ASB7: variants seen among roughly 807,000 people sequenced by gnomAD.
ASB7 encodes ankyrin repeat and SOCS box protein 7.
In ASB7, 4 loss-of-function variants were observed where a neutral mutation model predicts 32.5. The observed-to-expected ratio is 0.12, with a 90% CI of 0.06 to 0.28. The LOEUF is 0.28. Ranked by LOEUF, ASB7 falls within the 10% of genes least tolerant of loss-of-function variation. The pLI is 1.00. For synonymous variants in ASB7, 172 were observed against 155.6 expected (o/e 1.11, Z -0.78); for missense variants, 181 against 407.1 (o/e 0.44, Z 4.78).
intron 4 of ASB7, among the ~76,000 whole-genome samples, chr15:100,619,243 G>C (rs1435487541): frequency 6.6e-6 from 1 of 152,196 alleles, no homozygotes; most frequent in African/African-American, 2.4e-5. Flanking sequence ...TGCGTGTGAC[G>C]GGTTGAAGGA....
chr15:100,644,035 G>A (rs911024754), intron 5 of ASB7, among the ~76,000 whole-genome samples: 1 of 151,774 alleles, frequency 6.6e-6, no homozygotes, highest in Non-Finnish European at 1.5e-5. Flanking sequence ...ATCACCTGAG[G>A]CCAGGAGTTT....
rs753274562 is a variant in ASB7 at position 100,629,666 on chromosome 15, T to C, written c.441T>C (p.Ser147=). 5.0e-6 allele frequency: 8 copies of C among 1,614,186 alleles called. No individual in the cohort carries two copies. In the South Asian group the frequency reaches 6.6e-5, roughly 13 times the overall value. ...TCAAGGCTGAGGTTGACCCACTCAG[T>C]GATAAAGGTACCACACCGCTTCAGC... ...LEFKAEVDPL[S]DKGTTPLQLA... is the part of the protein sequence containing the mutation. The change falls in exon 5 of 6, where the codon AGT becomes AGC. Residue 147 remains serine, a synonymous_variant. Coordinates refer to ENST00000332783, the MANE Select transcript of ASB7 (RefSeq NM_198243.3). This position sits in a 1 kb window ranked among gnomAD's most constrained non-coding sequence, Gnocchi z 6.8.
intron 2 of ASB7, among the ~76,000 whole-genome samples, chr15:100,609,063 GAAGA>G (rs1223821787): frequency 2.0e-5 from 3 of 152,194 alleles, no homozygotes; most frequent in African/African-American, 4.8e-5. Flanking sequence ...TAATTGACAC[GAAGA>G]AAGATCCCTT....
At position 100,629,640 on chromosome 15, in the gene ASB7, T is replaced by G. The variant is rs1265390401; in HGVS notation, c.415T>G (p.Phe139Val). The change falls in exon 5 of 6, where the codon TTC becomes GTC. Residue 139 changes from phenylalanine to valine, a missense_variant. Transcript: ENST00000332783. The surrounding 1 kb of genome is among the most constrained non-coding windows in gnomAD (Gnocchi z 6.8). ...RDSFVRLLLE[F>V]KAEVDPLSDK... is the part of the protein sequence containing the mutation. ...CTCATTTGTCCGGCTCCTCCTGGAG[T>G]TCAAGGCTGAGGTTGACCCACTCAG... is the stretch of plus-strand genomic sequence containing the variant. 2 of 1,613,826 alleles carry G rather than the reference T, an allele frequency of 1.2e-6. No individual in the cohort carries two copies. The highest frequency in any genetic ancestry group is 1.7e-6 in the Non-Finnish European group (2 of 1,179,984).
chr15:100,628,722 C>A (rs564395281), intron 4 of ASB7, among the ~76,000 whole-genome samples: 10 of 151,486 alleles, frequency 6.6e-5, no homozygotes, highest in African/African-American at 2.4e-4. Flanking sequence ...CCCCAGAGAT[C>A]AGTCAATTAG....
intron 5 of ASB7, among the ~76,000 whole-genome samples, chr15:100,635,635 T>C (rs1344753220): frequency 2.6e-5 from 4 of 152,226 alleles, no homozygotes; most frequent in Non-Finnish European, 5.9e-5. Context: ...CTTTCTCGGC[T>C]TTCATCCTCT....
At chr15:100,611,170 G>A (rs146944579) in intron 3 of ASB7, among the ~76,000 whole-genome samples, 92 of 151,792 alleles carry the variant, frequency 6.1e-4, no homozygotes, top group African/African-American at 2.0e-3. Context: ...TCTACCTGCC[G>A]AGTAGCTGGG....
In ASB7 at chr15:100,650,936, T is replaced by C. The variant is rs1389918217; in HGVS notation, c.*2474T>C. ...TTGAATTGGATTCACAGAGAAGCAT[T>C]CCATGGTCACATAATGAATAGGGAG... On this transcript the variant is annotated 3_prime_UTR_variant, in exon 6 of 6. Transcript: ENST00000332783. 1.3e-5 allele frequency: 2 copies of C among 152,218 alleles called. No homozygotes were observed. Among genetic ancestry groups the C allele is most frequent in the Non-Finnish European group, 2.9e-5 (2 of 68,044 alleles). 9.4% of individuals were successfully genotyped at this position (152,218 alleles called of 1,614,324 possible).
Position 100,633,093 on chromosome 15 carries a change from C to T in ASB7, c.817+3051C>T, listed in dbSNP as rs147032874. Reference sequence around the variant, plus strand: ...CTGTGCCCAGGAATGATAAACACAGCTAAGAGGAGCCATAGCACCTGCCTG... The same window carrying T: ...CTGTGCCCAGGAATGATAAACACAGTTAAGAGGAGCCATAGCACCTGCCTG... On this transcript the variant is annotated intron_variant, in intron 5 of 5. Transcript: ENST00000332783. Among the ~76,000 whole-genome samples the T allele has an allele frequency of 4.1e-3, 621 of 151,720 alleles. 2 individuals carry two copies. The highest frequency in any genetic ancestry group is 0.013 in the African/African-American group (557 of 41,320).
chr15:100,624,513 A>G (rs1267767703), intron 4 of ASB7, among the ~76,000 whole-genome samples: 1 of 152,232 alleles, frequency 6.6e-6, no homozygotes, highest in Non-Finnish European at 1.5e-5. Flanking sequence ...AAAGATTAGG[A>G]GTATAATGGG....
intron 4 of ASB7, among the ~76,000 whole-genome samples, chr15:100,615,133 G>A (rs571043323): frequency 2.6e-5 from 4 of 152,300 alleles, no homozygotes; most frequent in South Asian, 4.1e-4. Context: ...TGTGTAGTAC[G>A]CTGTGCCGTC....
chr15:100,637,221 A>G (rs537745807), intron 5 of ASB7, among the ~76,000 whole-genome samples: 13 of 152,232 alleles, frequency 8.5e-5, no homozygotes, highest in Admixed American at 6.5e-4. Flanking sequence ...ATGGGACACC[A>G]TCTTTACTGG....
chr15:100,607,440 C>T (rs952606628), intron 2 of ASB7, among the ~76,000 whole-genome samples: 28 of 152,308 alleles, frequency 1.8e-4, no homozygotes, highest in African/African-American at 5.3e-4. Flanking sequence ...ATGCTTTTGA[C>T]TATTTGGGGG....
At chr15:100,606,368 T>TA (rs543352021) in intron 2 of ASB7, among the ~76,000 whole-genome samples, 60 of 152,358 alleles carry the variant, frequency 3.9e-4, no homozygotes, top group African/African-American at 1.2e-3. Context: ...TTGCATCACT[T>TA]AATCAGAAAT....
At chr15:100,640,154 TG>T (rs1221843840) in intron 5 of ASB7, among the ~76,000 whole-genome samples, 10 of 152,142 alleles carry the variant, frequency 6.6e-5, no homozygotes, top group Non-Finnish European at 1.3e-4. Flanking sequence ...TTTTCTTTTT[TG>T]TTTTTTTTGA....
intron 4 of ASB7, among the ~76,000 whole-genome samples, chr15:100,614,604 A>G (rs1165901896): frequency 1.3e-5 from 2 of 151,854 alleles, no homozygotes; most frequent in African/African-American, 2.4e-5. Flanking sequence ...TGGTGGGGGG[A>G]AAAAAAGAAA....
chr15:100,626,864 T>C (rs1001800709), intron 4 of ASB7, among the ~76,000 whole-genome samples: 1 of 152,170 alleles, frequency 6.6e-6, no homozygotes, highest in African/African-American at 2.4e-5. Flanking sequence ...AGTCTACATA[T>C]GATTCTATTA....
intron 4 of ASB7, among the ~76,000 whole-genome samples, chr15:100,615,888 A>G (rs1404011458): frequency 6.6e-6 from 1 of 152,188 alleles, no homozygotes; most frequent in Admixed American, 6.5e-5. Context: ...TTATTGTTGG[A>G]CATTGTAAGT....
At chr15:100,608,256 T>A (rs138449772) in intron 2 of ASB7, among the ~76,000 whole-genome samples, 5 of 152,252 alleles carry the variant, frequency 3.3e-5, no homozygotes, top group Non-Finnish European at 5.9e-5. Flanking sequence ...GAACAATTAC[T>A]GAGGCTGTGC....
Sources: allele counts gnomAD v4.1 joint callset (sites outside exome capture counted in the v4.1 genomes callset), GRCh38; gene constraint gnomAD v4.1.1; non-coding constraint Gnocchi (gnomAD v3.1); transcripts MANE v1.5; gene names NCBI Gene and HGNC (gene_info 2026-07-23, HGNC 2026-07-21).